Variants in PGM2 observed in about 807,000 individuals in gnomAD.
PGM2 encodes the protein phosphopentomutase.
A neutral mutation model predicts 74.6 loss-of-function variants in PGM2; 57 were observed. That is an observed-to-expected ratio of 0.76 (90% CI 0.62 to 0.95). The LOEUF (loss-of-function observed/expected upper bound fraction) is 0.95, where lower values mean the gene tolerates loss of function less well. PGM2 is among the 40% of genes least tolerant of loss of function. The pLI, the probability that PGM2 is intolerant of heterozygous loss-of-function variation, is 0.00. For missense variants in PGM2, 706 were observed against 741.9 expected, an observed-to-expected ratio of 0.95 and a Z score of 0.56; for synonymous variants, 273 against 260.7, an observed-to-expected ratio of 1.05 and a Z score of -0.46.
chr4:37,843,631 C>T lies in PGM2; in HGVS notation c.720-733C>T, dbSNP rs751691120. Among the ~76,000 whole-genome samples the T allele has an allele frequency of 1.1e-3, 164 of 149,758 alleles. 1 individual carries two copies. Among genetic ancestry groups the T allele is most frequent in the Non-Finnish European group, 1.4e-3 (97 of 67,630 alleles). On this transcript the variant is annotated intron_variant, in intron 6 of 13. Transcript: ENST00000381967. ...TATTATTTTTTTTTTTTTCCTGAGA[C>T]GGAGTTTCGCTCTTGTTGCCCAGGT...
At chr4:37,852,636 G>A (rs1015382033) in intron 12 of PGM2, among the ~76,000 whole-genome samples, 10 of 152,180 alleles carry the variant, frequency 6.6e-5, no homozygotes, top group African/African-American at 1.7e-4. Flanking sequence ...TTATTGTTGG[G>A]CTTCCAGCAT....
At chr4:37,855,873 C>G in intron 13 of PGM2, 132 bp downstream of exon 13, 1 of 729,886 alleles carries the variant, frequency 1.4e-6, no homozygotes. Context: ...AGAACCTGCA[C>G]TAATATTTTG....
chr4:37,829,953 T>C lies in PGM2; in HGVS notation c.82-11T>C. The C allele has an allele frequency of 6.4e-7, 1 of 1,568,692 alleles. No individual in the cohort carries two copies. Among genetic ancestry groups the C allele is most frequent in the Non-Finnish European group, 8.6e-7 (1 of 1,157,006 alleles). ...CTTGTCTGGCTGTGTCTATACATTT[T>C]TGTTTTTCAGAATTCCTTAACTTTG... On this transcript the variant is annotated splice_polypyrimidine_tract_variant and intron_variant, in intron 1 of 13. Coordinates refer to ENST00000381967, the MANE Select transcript of PGM2 (RefSeq NM_018290.4).
At chr4:37,839,472 A>G in intron 4 of PGM2, 1 of 436,348 alleles carries the variant, frequency 2.3e-6, no homozygotes, top group Non-Finnish European at 4.5e-6. Context: ...GGAGAGGGAG[A>G]AGCAGTTGGA....
chr4:37,848,491 A>G (rs758074615), intron 10 of PGM2, 31 bp from the exon 11 acceptor site: 5 of 1,597,764 alleles, frequency 3.1e-6, no homozygotes, highest in African/African-American at 2.7e-5. Context: ...ACAGTATTGT[A>G]TAGATGTATG....
At chr4:37,833,177 A>G (rs1725478325) in intron 2 of PGM2, among the ~76,000 whole-genome samples, 1 of 152,194 alleles carries the variant, frequency 6.6e-6, no homozygotes, top group Non-Finnish European at 1.5e-5. Context: ...TCCCAGTGCA[A>G]TGTATTTGTC....
chr4:37,850,035 G>T lies in PGM2; in HGVS notation c.1413-149G>T, dbSNP rs1036070397. On this transcript the variant is annotated intron_variant, in intron 11 of 13. Transcript: ENST00000381967. ...ACTCCTGACCTCAGGTGATCTGCCC[G>T]CCTCGGCCTCACAAAGTGCTGGGAT... 59 of 510,168 alleles carry T rather than the reference G, an allele frequency of 1.2e-4. 1 individual carries two copies. The highest frequency in any genetic ancestry group is 3.0e-5 in the Non-Finnish European group (9 of 295,376). The allele number at this position is 510,168 out of a possible 1,614,324, so 31.6% of individuals were successfully genotyped here. A position where few individuals can be genotyped will look rare whatever the true frequency, so the allele number is the denominator to read the frequency against.
intron 6 of PGM2, among the ~76,000 whole-genome samples, chr4:37,841,190 T>TGTGTGTGTGTG (rs1491511171): frequency 0.03 from 2,493 of 83,290 alleles, 100 homozygotes; most frequent in African/African-American, 0.069. Context: ...GTGTGTGTGG[T>TGTGTGTGTGTG]TTGTTCTGTG....
intron 6 of PGM2, among the ~76,000 whole-genome samples, chr4:37,841,377 G>A (rs1191909970): frequency 2.0e-5 from 3 of 152,004 alleles, no homozygotes; most frequent in African/African-American, 7.3e-5. Flanking sequence ...GCTTGAGTAT[G>A]CTGTAGGTCC....
chr4:37,833,349 A>G (rs902838950), intron 2 of PGM2, among the ~76,000 whole-genome samples: 1 of 152,232 alleles, frequency 6.6e-6, no homozygotes, highest in African/African-American at 2.4e-5. Context: ...TGAGCCCACA[A>G]GATTGAAACC....
At chr4:37,848,044 C>G (rs1406814648) in intron 10 of PGM2, among the ~76,000 whole-genome samples, 2 of 152,138 alleles carry the variant, frequency 1.3e-5, no homozygotes, top group Admixed American at 6.6e-5. Context: ...GATTTTCTTT[C>G]ATTTATCAAG....
intron 7 of PGM2, 143 bp downstream of exon 7, chr4:37,844,696 A>G: frequency 1.6e-6 from 1 of 611,262 alleles, no homozygotes; most frequent in Non-Finnish European, 2.8e-6. Flanking sequence ...GGCTGGGTGC[A>G]GCGTCTCATG....
chr4:37,851,979 T>TTTTTTTTTTTTTGG (rs1560420074), intron 12 of PGM2, among the ~76,000 whole-genome samples: 14 of 149,542 alleles, frequency 9.4e-5, no homozygotes, highest in South Asian at 2.1e-4. Flanking sequence ...TCTTTTTTTT[T>TTTTTTTTTTTTTGG]GGAGACAGGG....
At chr4:37,843,901 T>A (rs1725796242) in intron 6 of PGM2, among the ~76,000 whole-genome samples, 1 of 152,178 alleles carries the variant, frequency 6.6e-6, no homozygotes, top group Non-Finnish European at 1.5e-5. Flanking sequence ...TATCTTTATG[T>A]ATGGGATAAC....
intron 2 of PGM2, 58 bp from the exon 3 acceptor site, chr4:37,834,560 T>C: frequency 1.2e-6 from 1 of 853,334 alleles, no homozygotes; most frequent in Non-Finnish European, 1.9e-6. Context: ...AATTTTTCTA[T>C]ATGGTATATA....
At chr4:37,855,309 A>G (rs949750791) in intron 12 of PGM2, among the ~76,000 whole-genome samples, 1 of 151,826 alleles carries the variant, frequency 6.6e-6, no homozygotes, top group Non-Finnish European at 1.5e-5. Context: ...TTGTCTTTCT[A>G]TGCCTGGCTT....
intron 6 of PGM2, among the ~76,000 whole-genome samples, chr4:37,841,098 A>G (rs201746579): frequency 0.25 from 28,328 of 114,084 alleles, 3,468 homozygotes; most frequent in African/African-American, 0.35. Flanking sequence ...ATATATATAT[A>G]TATGTGTGTG....
chr4:37,841,941 T>C (rs1457433748), intron 6 of PGM2, among the ~76,000 whole-genome samples: 1 of 152,182 alleles, frequency 6.6e-6, no homozygotes. Flanking sequence ...GCTTAGCAAA[T>C]TGACCTCCAA....
At position 37,835,786 on chromosome 4, in the gene PGM2, C is replaced by G. The variant is rs550051059; in HGVS notation, c.356+1062C>G. Among the ~76,000 whole-genome samples the G allele has an allele frequency of 2.4e-4, 37 of 152,272 alleles. No homozygotes were observed. The Middle Eastern group carries it at 0.014, about 56-fold the overall frequency. ...GGGGAAAATCACCCGGTGGCATCAG[C>G]CCCAGGTTCAACTCAGGAGGGCATA... On this transcript the variant is annotated intron_variant, in intron 3 of 13. Transcript: ENST00000381967.
Sources: gnomAD v4.1 joint callset for allele counts (sites outside exome capture counted in the v4.1 genomes callset) on GRCh38, gnomAD v4.1.1 for gene constraint, MANE v1.5 for transcripts, NCBI Gene and HGNC (gene_info 2026-07-23, HGNC 2026-07-21) for gene names.